The following EBF3 variants were observed in gnomAD, a reference collection of about 807,000 sequenced individuals.
EBF3 encodes transcription factor COE3.
A neutral mutation model predicts 77.1 loss-of-function variants in EBF3; 18 were observed. The ratio of observed to expected loss-of-function variants is 0.23; its 90% CI spans 0.16 to 0.35. EBF3 has a LOEUF of 0.35. EBF3 is among the 10% of genes least tolerant of loss of function. EBF3 has a pLI of 1.00. For missense variants in EBF3, 558 were observed against 860.0 expected (o/e 0.65, Z 4.39); for synonymous variants, 350 against 343.5 (o/e 1.02, Z -0.21).
Position 129,867,809 on chromosome 10 carries a change from T to A in EBF3, c.885A>T (p.Val295=). The A allele has an allele frequency of 6.2e-7, 1 of 1,614,208 alleles. No homozygotes were observed. Among genetic ancestry groups the A allele is most frequent in the South Asian group, 1.1e-5 (1 of 91,086 alleles). The stretch of plus-strand genomic sequence containing the variant: ...CGCTCCACACCAACATAGTTCCGAA[T>A]ACAACTTGCAGCCCGTCAAAGAAGT... The part of the protein sequence containing the change: ...GDNFFDGLQV[V]FGTMLVWSEL... The change falls in exon 9 of 17, where the codon GTA becomes GTT. Residue 295 remains valine, a synonymous_variant. Transcript: ENST00000440978.
chr10:129,895,519 C>T (rs887150500), intron 6 of EBF3, among the ~76,000 whole-genome samples: 4 of 152,314 alleles, frequency 2.6e-5, no homozygotes, highest in Admixed American at 6.5e-5. Context: ...TTTCCATTCC[C>T]CTTCAGACCT....
Position 129,886,033 on chromosome 10 carries a change from ATTTTTTTTTTT to A in EBF3, c.555-8195_555-8185del, listed in dbSNP as rs59542647. On this transcript the variant is annotated intron_variant, in intron 6 of 16. Coordinates refer to ENST00000440978, the MANE Select transcript of EBF3 (RefSeq NM_001375380.1). ...TGAGGGGGTGTTGTTTTTGGTTTTA[ATTTTTTTTTTT>A]TTTTTTTTTTTTTTTTTGCTTCCCA... Among the ~76,000 whole-genome samples, 1,205 of 126,202 alleles carry A rather than the reference ATTTTTTTTTTT, an allele frequency of 9.5e-3. 15 individuals are homozygous for A. Among genetic ancestry groups the A allele is most frequent in the African/African-American group, 0.027 (925 of 34,162 alleles). The allele number at this position is 126,202 out of a possible 152,430, so 82.8% of individuals were successfully genotyped here.
At position 129,964,213 on chromosome 10, in the gene EBF3, C is replaced by A. The variant is rs371276609; in HGVS notation, c.-445G>T. 8.1e-6 allele frequency: 8 copies of A among 984,722 alleles called. No individual in the cohort carries two copies. Among genetic ancestry groups the A allele is most frequent in the African/African-American group, 1.8e-5 (1 of 57,142 alleles). The allele number at this position is 984,722 out of a possible 1,614,324, so 61.0% of individuals were successfully genotyped here. ...CGGGCGCAGGCGGGGCGCGGCGGGG[C>A]CTGGAGCGGCGCGCGCAGCGGACGG... is the stretch of plus-strand genomic sequence containing the variant. On this transcript the variant is annotated 5_prime_UTR_variant, in exon 1 of 17. Transcript: ENST00000440978. The surrounding 1 kb of genome is among the most constrained non-coding windows in gnomAD (Gnocchi z 4.5).
At chr10:129,845,348 C>T (rs1850377048) in intron 11 of EBF3, 1 of 152,344 alleles carries the variant, frequency 6.6e-6, no homozygotes, top group South Asian at 2.1e-4. Context: ...AATTGGCTGC[C>T]TTTCAATAGG....
At chr10:129,910,096 C>T (rs1034912632) in intron 6 of EBF3, among the ~76,000 whole-genome samples, 1 of 152,202 alleles carries the variant, frequency 6.6e-6, no homozygotes, top group South Asian at 2.1e-4. Flanking sequence ...CAGTGCCGCG[C>T]TAACGAGCCC....
intron 6 of EBF3, among the ~76,000 whole-genome samples, chr10:129,931,572 T>A (rs1465880808): frequency 6.6e-6 from 1 of 152,274 alleles, no homozygotes; most frequent in Admixed American, 6.5e-5. Flanking sequence ...GCCGCGACTG[T>A]GAGCGCCCTG....
At chr10:129,923,961 A>C (rs1018473689) in intron 6 of EBF3, among the ~76,000 whole-genome samples, 4 of 152,240 alleles carry the variant, frequency 2.6e-5, no homozygotes, top group African/African-American at 9.6e-5. Context: ...TGATTCAAAA[A>C]TGGACAAAGG....
At chr10:129,878,341 A>G (rs193279713) in intron 6 of EBF3, among the ~76,000 whole-genome samples, 1 of 152,336 alleles carries the variant, frequency 6.6e-6, no homozygotes. Flanking sequence ...GGCAACCCTA[A>G]TTCCAGAGGC....
At chr10:129,865,337 C>T (rs921169890) in intron 10 of EBF3, among the ~76,000 whole-genome samples, 2 of 152,050 alleles carry the variant, frequency 1.3e-5, no homozygotes, top group African/African-American at 4.8e-5. Context: ...TTTTTTGAAC[C>T]CCATTGTGAC....
intron 6 of EBF3, among the ~76,000 whole-genome samples, chr10:129,883,270 A>ACC (rs1471894576): frequency 6.6e-6 from 1 of 151,900 alleles, no homozygotes; most frequent in African/African-American, 2.4e-5. Flanking sequence ...GTGCGCGCCT[A>ACC]CCCCCACGCA....
At chr10:129,852,804 G>C (rs917427064) in intron 10 of EBF3, among the ~76,000 whole-genome samples, 3 of 152,196 alleles carry the variant, frequency 2.0e-5, no homozygotes, top group Non-Finnish European at 4.4e-5. Context: ...CTTAAATCCA[G>C]TTCCTGCACC....
chr10:129,873,157 A>G (rs573278894), intron 8 of EBF3, among the ~76,000 whole-genome samples: 1 of 152,298 alleles, frequency 6.6e-6, no homozygotes, highest in South Asian at 2.1e-4. Context: ...GACAAACCAA[A>G]ATAAAACCAA....
At chr10:129,892,464 A>T (rs759874447) in intron 6 of EBF3, among the ~76,000 whole-genome samples, 2 of 152,212 alleles carry the variant, frequency 1.3e-5, no homozygotes, top group Non-Finnish European at 2.9e-5. Flanking sequence ...CGGATGCCGG[A>T]CACCTGTGAG....
Position 129,963,907 on chromosome 10 carries a change from A to C in EBF3, c.-139T>G, listed in dbSNP as rs1859737081. 8.8e-7 allele frequency: 1 copy of C among 1,134,630 alleles called. No homozygotes were observed. The highest frequency in any genetic ancestry group is 3.7e-5 in the South Asian group (1 of 27,062). The allele number at this position is 1,134,630 out of a possible 1,614,324, so 70.3% of individuals were successfully genotyped here. The stretch of plus-strand genomic sequence containing the variant: ...GCGGTCCGGCCCCGCCGCCGGCTTC[A>C]GCCCGTCCCGGGCAGGCGCGACATA... On this transcript the variant is annotated 5_prime_UTR_variant, in exon 1 of 17. The change abolishes the stop of an existing upstream ORF in the 5' untranslated region. Coordinates refer to ENST00000440978, the MANE Select transcript of EBF3 (RefSeq NM_001375380.1). The surrounding 1 kb of genome is among the most constrained non-coding windows in gnomAD (Gnocchi z 7.1).
intron 6 of EBF3, among the ~76,000 whole-genome samples, chr10:129,889,216 C>CG (rs1564859909): frequency 6.6e-6 from 1 of 152,252 alleles, no homozygotes; most frequent in Non-Finnish European, 1.5e-5. Context: ...AAGACCCCAA[C>CG]GCCCCTCCAT....
chr10:129,841,639 G>A lies in EBF3; in HGVS notation c.1372+477C>T, dbSNP rs140040804. Reference sequence around the variant, plus strand: ...ATGGACCCAAATGGCAAGATGCAGCGGCCTTGGCTGGCCCAGGACACTGCA... The same window carrying A: ...ATGGACCCAAATGGCAAGATGCAGCAGCCTTGGCTGGCCCAGGACACTGCA... On this transcript the variant is annotated intron_variant, in intron 13 of 16. Coordinates refer to ENST00000440978, the MANE Select transcript of EBF3 (RefSeq NM_001375380.1). The surrounding 1 kb of genome is among the most constrained non-coding windows in gnomAD (Gnocchi z 4.6). Among the ~76,000 whole-genome samples, 353 of 152,224 alleles carry A rather than the reference G, an allele frequency of 2.3e-3. 1 individual carries two copies. Among genetic ancestry groups the A allele is most frequent in the African/African-American group, 7.1e-3 (296 of 41,532 alleles).
chr10:129,835,527 T>C lies in EBF3; in HGVS notation c.*2416A>G, dbSNP rs1849567651. 6.6e-6 allele frequency: 1 copy of C among 152,202 alleles called. No individual in the cohort carries two copies. Among genetic ancestry groups the C allele is most frequent in the South Asian group, 2.1e-4 (1 of 4,826 alleles). The allele number at this position is 152,202 out of a possible 1,614,324, so 9.4% of individuals were successfully genotyped here. Reference sequence around the variant, plus strand: ...CTGGCAGGCGTTCTCAGTGCGTCCATGTGAGCTCTTTTGTAGATCAAACCC... The same window carrying C: ...CTGGCAGGCGTTCTCAGTGCGTCCACGTGAGCTCTTTTGTAGATCAAACCC... On this transcript the variant is annotated 3_prime_UTR_variant, in exon 17 of 17. Transcript: ENST00000440978.
intron 10 of EBF3, among the ~76,000 whole-genome samples, chr10:129,853,464 C>T (rs1186843380): frequency 6.6e-6 from 1 of 152,154 alleles, no homozygotes; most frequent in East Asian, 1.9e-4. Context: ...TTTGTCATAA[C>T]GCAGTAATTT....
Position 129,956,721 on chromosome 10 carries a change from C to T in EBF3, c.554+537G>A, listed in dbSNP as rs1405476087. Reference sequence around the variant, plus strand: ...CATGTGTAATTAGTTTCAATTATAACAAGTTTGGTTTGTTAGTTACATATT... The same window carrying T: ...CATGTGTAATTAGTTTCAATTATAATAAGTTTGGTTTGTTAGTTACATATT... On this transcript the variant is annotated intron_variant, in intron 6 of 16. Transcript: ENST00000440978. 3.3e-5 allele frequency among the ~76,000 whole-genome samples: 5 copies of T among 152,134 alleles called. No individual in the cohort carries two copies. The East Asian group carries it at 9.6e-4, about 29-fold the overall frequency.
Sources: allele counts gnomAD v4.1 joint callset (sites outside exome capture counted in the v4.1 genomes callset), GRCh38; gene constraint gnomAD v4.1.1; non-coding constraint Gnocchi (gnomAD v3.1); transcripts MANE v1.5; gene names NCBI Gene and HGNC (gene_info 2026-07-23, HGNC 2026-07-21).